HEATR5A: variants seen among roughly 807,000 people sequenced by gnomAD.
HEATR5A encodes the protein HEAT repeat-containing protein 5A.
Under a neutral mutation model 218.8 loss-of-function variants are expected in HEATR5A, and 178 were observed. The ratio of observed to expected loss-of-function variants is 0.81; its 90% CI spans 0.72 to 0.92. The LOEUF (loss-of-function observed/expected upper bound fraction) is 0.92, where lower values mean the gene tolerates loss of function less well. Ranked by LOEUF, HEATR5A falls within the 40% of genes least tolerant of loss-of-function variation. The probability of loss-of-function intolerance (pLI) is 0.00; values close to 1 mark genes in which losing one functional copy is unlikely to be tolerated. For synonymous variants in HEATR5A, 864 were observed against 871.6 expected (o/e 0.99, Z 0.15); for missense variants, 2,420 against 2,418.9 (o/e 1.00, Z -0.01).
At chr14:31,400,827 GTATTAT>G (rs769291432) in intron 2 of HEATR5A, among the ~76,000 whole-genome samples, 214 of 135,852 alleles carry the variant, frequency 1.6e-3, no homozygotes, top group Middle Eastern at 7.4e-3. Context: ...GAGCAAATTT[GTATTAT>G]TATTATTATT....
chr14:31,373,904 T>A (rs1274847976), intron 12 of HEATR5A, among the ~76,000 whole-genome samples: 1 of 152,190 alleles, frequency 6.6e-6, no homozygotes, highest in Non-Finnish European at 1.5e-5. Context: ...GATCTACTTC[T>A]GTGTAATGAA....
intron 22 of HEATR5A, among the ~76,000 whole-genome samples, chr14:31,327,311 T>TTTTTTTTA (rs1900303236): frequency 1.2e-5 from 1 of 83,800 alleles, no homozygotes; most frequent in Non-Finnish European, 2.6e-5. Context: ...TTTTTTTTTT[T>TTTTTTTTA]GAGACCGAGT....
chr14:31,355,508 G>A (rs1017081746), intron 16 of HEATR5A, among the ~76,000 whole-genome samples: 1 of 151,656 alleles, frequency 6.6e-6, no homozygotes, highest in Non-Finnish European at 1.5e-5. Flanking sequence ...CGAGGAGGGC[G>A]GATCACCTGA....
Position 31,402,951 on chromosome 14 carries a change from G to A in HEATR5A, c.25C>T (p.Leu9=). The change falls in exon 2 of 36, where the codon CTG becomes TTG. Residue 9 remains leucine, a synonymous_variant. Coordinates refer to ENST00000543095, the MANE Select transcript of HEATR5A (RefSeq NM_015473.4). Reference sequence around the variant, plus strand: ...AGTTGATTGTATGCTTCTTCATTCAGCAGTAAGCTATGAGCTAATTCCATT... The same window carrying A: ...AGTTGATTGTATGCTTCTTCATTCAACAGTAAGCTATGAGCTAATTCCATT... MELAHSLL[L]NEEAYNQLGE... 3.3e-6 allele frequency: 5 copies of A among 1,535,868 alleles called. No homozygotes were observed. In the South Asian group the frequency reaches 5.9e-5, roughly 18 times the overall value.
intron 13 of HEATR5A, among the ~76,000 whole-genome samples, chr14:31,370,016 G>A (rs1416951888): frequency 6.6e-6 from 1 of 151,712 alleles, no homozygotes; most frequent in African/African-American, 2.4e-5. Context: ...ATAACGGTCA[G>A]GAGATCGAGA....
At chr14:31,364,087 T>C (rs1388984634) in intron 14 of HEATR5A, 102 bp downstream of exon 14, 4 of 554,502 alleles carry the variant, frequency 7.2e-6, no homozygotes, top group Non-Finnish European at 1.3e-5. Flanking sequence ...ACTAAATAAC[T>C]GCCATTATAA....
At chr14:31,398,594 G>T in intron 4 of HEATR5A, 79 bp downstream of exon 4, 1 of 713,968 alleles carries the variant, frequency 1.4e-6, no homozygotes, top group Non-Finnish European at 2.3e-6. Context: ...CATATGTAAA[G>T]CTCTTTGATT....
chr14:31,360,185 T>G (rs1269906712), intron 14 of HEATR5A, among the ~76,000 whole-genome samples: 1 of 152,210 alleles, frequency 6.6e-6, no homozygotes, highest in Admixed American at 6.5e-5. Flanking sequence ...GCAGCTAGTT[T>G]ATCTTGTCTC....
chr14:31,318,199 T>C, intron 26 of HEATR5A, 25 bp downstream of exon 26: 1 of 1,601,800 alleles, frequency 6.2e-7, no homozygotes, highest in East Asian at 2.2e-5. Flanking sequence ...GATTATCTCT[T>C]AAGCTTCATC....
chr14:31,349,629 CG>C (rs1436469640), intron 18 of HEATR5A, among the ~76,000 whole-genome samples, 159 bp downstream of exon 18: 4 of 152,208 alleles, frequency 2.6e-5, no homozygotes, highest in African/African-American at 9.6e-5. Flanking sequence ...CAAGACCAGC[CG>C]GCCAATTTTT....
intron 22 of HEATR5A, among the ~76,000 whole-genome samples, chr14:31,331,626 G>A (rs1462069791): frequency 6.6e-6 from 1 of 152,104 alleles, no homozygotes; most frequent in Non-Finnish European, 1.5e-5. Flanking sequence ...TACTGTATTA[G>A]TCTGTTTTCA....
chr14:31,366,412 C>T (rs553613162), intron 13 of HEATR5A, among the ~76,000 whole-genome samples: 7 of 152,230 alleles, frequency 4.6e-5, no homozygotes, highest in African/African-American at 1.7e-4. Context: ...CAATCATATT[C>T]ACAAGATGTT....
chr14:31,315,812 A>G lies in HEATR5A; in HGVS notation c.4176T>C (p.Ala1392=), dbSNP rs1311467086. Residue 1392 remains alanine (A), a synonymous_variant, in exon 27 of 36, where the codon GCT becomes GCC. Coordinates refer to ENST00000543095, the MANE Select transcript of HEATR5A (RefSeq NM_015473.4). ...GCACAGCTAAGATCTCCATGGTAGAAGCACTTTCATTATATAAGTGACTTA... is the reference window on the plus strand; with the variant it reads ...GCACAGCTAAGATCTCCATGGTAGAGGCACTTTCATTATATAAGTGACTTA... ...EALSHLYNES[A]STMEILAVLK... is the part of the protein sequence containing the mutation. The G allele has an allele frequency of 6.2e-7, 1 of 1,612,828 alleles. No homozygotes were observed. The highest frequency in any genetic ancestry group is 1.7e-5 in the Admixed American group (1 of 59,866).
chr14:31,388,963 A>C lies in HEATR5A; in HGVS notation c.815T>G (p.Val272Gly). The stretch of plus-strand genomic sequence containing the variant: ...AAACCCTGTTCCTAGTAATTCCAGA[A>C]CTTCCTCCAAAGATACTCTGCGAAT... ...QSIRRVSLEE[V>G]LELLGTGFLR... The change falls in exon 7 of 36, where the codon GTT becomes GGT. Residue 272 changes from valine to glycine, a missense_variant. By Grantham distance (109) the Val-to-Gly change is moderately radical. Transcript: ENST00000543095. 1 of 1,613,710 alleles carries C rather than the reference A, an allele frequency of 6.2e-7. No homozygotes were observed. The highest frequency in any genetic ancestry group is 8.5e-7 in the Non-Finnish European group (1 of 1,179,704).
chr14:31,350,046 A>G (rs1248484022), intron 17 of HEATR5A, 67 bp from the exon 18 acceptor site: 1 of 1,103,428 alleles, frequency 9.1e-7, no homozygotes, highest in African/African-American at 1.6e-5. Flanking sequence ...TTAGGAATGT[A>G]CATTCTGGTT....
rs143243944 is a variant in HEATR5A at position 31,373,431 on chromosome 14, C to T, written c.1861+1385G>A. Among the ~76,000 whole-genome samples the T allele has an allele frequency of 1.0e-3, 158 of 151,490 alleles. 1 individual carries two copies. In the East Asian group the frequency reaches 0.023, roughly 22 times the overall value. ...ATAACCTCTGCCTCTCGGGTTCAAA[C>T]GATTCTCCTGTCTTAGCCTCCCAAG... On this transcript the variant is annotated intron_variant, in intron 12 of 35. Coordinates refer to ENST00000543095, the MANE Select transcript of HEATR5A (RefSeq NM_015473.4).
intron 1 of HEATR5A, among the ~76,000 whole-genome samples, chr14:31,406,000 C>A (rs1248968213): frequency 1.3e-5 from 2 of 152,144 alleles, no homozygotes; most frequent in African/African-American, 2.4e-5. Flanking sequence ...GGTAATCTCG[C>A]ATCTAAAACT....
rs550619115 is a variant in HEATR5A, at chr14:31,351,455, T to C, written c.2412-738A>G. Among the ~76,000 whole-genome samples the C allele has an allele frequency of 4.0e-5, 6 of 149,516 alleles. 1 individual carries two copies. The highest frequency in any genetic ancestry group is 1.5e-4 in the African/African-American group (6 of 40,536). ...TTACAGTGAGCTATGATCATGCCAC[T>C]GTACTCCAGCCTGGGTGACAAAGCA... On this transcript the variant is annotated intron_variant, in intron 16 of 35. Coordinates refer to ENST00000543095, the MANE Select transcript of HEATR5A (RefSeq NM_015473.4).
At chr14:31,338,295 A>T (rs566151676) in intron 21 of HEATR5A, among the ~76,000 whole-genome samples, 16 of 152,350 alleles carry the variant, frequency 1.1e-4, no homozygotes, top group African/African-American at 3.8e-4. Context: ...TTTAACAATA[A>T]TATTTTAATC....
Sources: allele counts gnomAD v4.1 joint callset (sites outside exome capture counted in the v4.1 genomes callset), GRCh38; gene constraint gnomAD v4.1.1; transcripts MANE v1.5; gene names NCBI Gene and HGNC (gene_info 2026-07-23, HGNC 2026-07-21).